The following SLC26A2 variants were observed in gnomAD, a reference collection of about 807,000 sequenced individuals.
The protein encoded by SLC26A2 is sulfate transporter.
SLC26A2 carries 36 observed loss-of-function variants against 41.1 expected under a neutral mutation model. The observed-to-expected ratio is 0.88, with a 90% confidence interval of 0.67 to 1.16. The LOEUF (loss-of-function observed/expected upper bound fraction) is 1.16, where lower values mean the gene tolerates loss of function less well. SLC26A2 is among the 50% of genes most tolerant of loss of function. SLC26A2 has a pLI of 0.00. For synonymous variants in SLC26A2, 291 were observed against 311.6 expected, an observed-to-expected ratio of 0.93 and a Z score of 0.70; for missense variants, 796 against 869.6, an observed-to-expected ratio of 0.92 and a Z score of 1.07.
intron 1 of SLC26A2, among the ~76,000 whole-genome samples, chr5:149,964,172 A>G (rs77120488): frequency 6.6e-6 from 1 of 152,102 alleles, no homozygotes; most frequent in Admixed American, 6.6e-5. Context: ...GCTTCTTTTG[A>G]AGAAGAGGCA....
rs1057517482 is a variant in SLC26A2 at position 149,981,239 on chromosome 5, CA to C, written c.1649del (p.Lys550ArgfsTer35). 6.2e-7 allele frequency: 1 copy of C among 1,614,118 alleles called. No individual in the cohort carries two copies. Among genetic ancestry groups the C allele is most frequent in the Middle Eastern group, 1.6e-4 (1 of 6,062 alleles). On this transcript the variant is annotated frameshift_variant, in exon 3 of 3. Coordinates refer to ENST00000286298, the MANE Select transcript of SLC26A2 (RefSeq NM_000112.4). LOFTEE classifies it high-confidence loss of function. ...IFCVILRTQK[P>X]KSSLLGLVEE... ...TGTGTCATCCTCCGCACTCAGAAGC[CA>C]AAGAGTTCACTGCTTGGCTTGGTGG...
intron 1 of SLC26A2, among the ~76,000 whole-genome samples, chr5:149,970,308 G>T (rs961099515): frequency 1.3e-5 from 2 of 152,082 alleles, no homozygotes; most frequent in African/African-American, 4.8e-5. Context: ...AGGAGTTCGA[G>T]ACCAGCCTGG....
chr5:149,980,448 ACT>A lies in SLC26A2; in HGVS notation c.857_858del (p.Leu286HisfsTer13). 3.7e-6 allele frequency: 6 copies of A among 1,613,916 alleles called. No individual in the cohort carries two copies. The highest frequency in any genetic ancestry group is 5.1e-6 in the Non-Finnish European group (6 of 1,180,020). ...TTCCTCGGACTAATGGTGTGGGCTC[ACT>A]CATCACTACCTGGATACATGTCTTC... is the stretch of plus-strand genomic sequence containing the variant. ...NLPRTNGVGS[L>X]ITTWIHVFRN... is the part of the protein sequence containing the mutation. On this transcript the variant is annotated frameshift_variant, in exon 3 of 3. Coordinates refer to ENST00000286298, the MANE Select transcript of SLC26A2 (RefSeq NM_000112.4). LOFTEE classifies it high-confidence loss of function.
chr5:149,981,431 G>T lies in SLC26A2; in HGVS notation c.1838G>T (p.Trp613Leu). The T allele has an allele frequency of 6.2e-7, 1 of 1,614,040 alleles. No individual in the cohort carries two copies. The highest frequency in any genetic ancestry group is 8.5e-7 in the Non-Finnish European group (1 of 1,179,982). Residue 613 changes from tryptophan to leucine, a missense_variant, in exon 3 of 3, where the codon TGG becomes TTG. Trp to Leu is a moderately conservative substitution (Grantham distance 61, BLOSUM62 -2). Coordinates refer to ENST00000286298, the MANE Select transcript of SLC26A2 (RefSeq NM_000112.4). ...AACCCAATCTTAATAAAGGTGGCTT[G>T]GAAGAAGGCAGCAAAGAGAAAGATC... The part of the protein sequence containing the change: ...TVNPILIKVA[W>L]KKAAKRKIKE...
At chr5:149,978,693 C>T (rs1755040483) in intron 2 of SLC26A2, among the ~76,000 whole-genome samples, 1 of 143,014 alleles carries the variant, frequency 7.0e-6, no homozygotes. Context: ...GAGTTTCTCA[C>T]TTTTTTTTTT....
At position 149,981,808 on chromosome 5, in the gene SLC26A2, GATTA is replaced by G. The variant is rs1755111826; in HGVS notation, c.2219_*2del. On this transcript the variant is annotated frameshift_variant and stop_lost, in exon 3 of 3. Transcript: ENST00000286298. LOFTEE classifies it high-confidence loss of function. ...TCCCAATGGTCTGAGTCTTAGTAGTGATTAATTGAGAAGGTAGATAGAAGAATGT... is the reference window on the plus strand; with the variant it reads ...TCCCAATGGTCTGAGTCTTAGTAGTGATTGAGAAGGTAGATAGAAGAATGT... 1 of 1,605,364 alleles carries G rather than the reference GATTA, an allele frequency of 6.2e-7. No individual in the cohort carries two copies. Among genetic ancestry groups the G allele is most frequent in the Non-Finnish European group, 8.5e-7 (1 of 1,173,236 alleles).
At position 149,981,327 on chromosome 5, in the gene SLC26A2, C is replaced by CTCTACT; in HGVS notation, c.1734_1735insTCTACT (p.Ile578_Lys579insSerThr). On this transcript the variant is annotated inframe_insertion, in exon 3 of 3. Transcript: ENST00000286298. ...AGAACCTTCAGATTAAGCCAGGCAT[C>CTCTACT]AAGATTTTCCGCTTTGTAGCCCCTC... The CTCTACT allele has an allele frequency of 6.2e-7, 1 of 1,614,112 alleles. No individual in the cohort carries two copies. The highest frequency in any genetic ancestry group is 8.5e-7 in the Non-Finnish European group (1 of 1,179,992).
intron 1 of SLC26A2, among the ~76,000 whole-genome samples, chr5:149,968,288 T>C (rs1411190855): frequency 6.6e-6 from 1 of 152,210 alleles, no homozygotes; most frequent in East Asian, 1.9e-4. Flanking sequence ...GCGGAATTAC[T>C]AGGTCATATA....
intron 1 of SLC26A2, chr5:149,962,342 C>G (rs996268806): frequency 6.9e-6 from 1 of 144,994 alleles, no homozygotes; most frequent in Non-Finnish European, 1.5e-5. Context: ...TCTGATTTGA[C>G]TTTTTTTTTT....
In SLC26A2 at chr5:149,980,973, A is replaced by C; in HGVS notation, c.1380A>C (p.Thr460=). Residue 460 remains threonine (T), a synonymous_variant, in exon 3 of 3, where the codon ACA becomes ACC. Transcript: ENST00000286298. ...ATACTCAGCTTTCTGGTGTGGTAAC[A>C]GCCCTGGTTCTTTTGTTGGTCCTCC... ...GCHTQLSGVV[T]ALVLLLVLLV... The C allele has an allele frequency of 6.2e-7, 1 of 1,614,182 alleles. No individual in the cohort carries two copies. Among genetic ancestry groups the C allele is most frequent in the East Asian group, 2.2e-5 (1 of 44,884 alleles).
At position 149,981,003 on chromosome 5, in the gene SLC26A2, A is replaced by C; in HGVS notation, c.1410A>C (p.Val470=). ...TALVLLLVLL[V]IAPLFYSLQK... ...TGGTTCTTTTGTTGGTCCTCCTAGT[A>C]ATAGCTCCTTTGTTCTATTCCCTTC... Residue 470 remains valine (V), a synonymous_variant, in exon 3 of 3, where the codon GTA becomes GTC. Coordinates refer to ENST00000286298, the MANE Select transcript of SLC26A2 (RefSeq NM_000112.4). The C allele has an allele frequency of 1.2e-6, 2 of 1,614,124 alleles. No homozygotes were observed. Among genetic ancestry groups the C allele is most frequent in the Non-Finnish European group, 1.7e-6 (2 of 1,179,990 alleles).
rs956040134 is a variant in SLC26A2 at position 149,982,896 on chromosome 5, G to A, written c.*1083G>A. ...CAGGTCATGAATTGAGGAGGAATTTGCTTTCAAAAAGCAAGAATGTCCAAC... is the reference window on the plus strand; with the variant it reads ...CAGGTCATGAATTGAGGAGGAATTTACTTTCAAAAAGCAAGAATGTCCAAC... On this transcript the variant is annotated 3_prime_UTR_variant, in exon 3 of 3. Coordinates refer to ENST00000286298, the MANE Select transcript of SLC26A2 (RefSeq NM_000112.4). 6.6e-6 allele frequency: 1 copy of A among 152,000 alleles called. No individual in the cohort carries two copies. The highest frequency in any genetic ancestry group is 1.5e-5 in the Non-Finnish European group (1 of 67,998). 9.4% of individuals were successfully genotyped at this position (152,000 alleles called of 1,614,324 possible).
chr5:149,968,885 G>C (rs2113689660), intron 1 of SLC26A2, among the ~76,000 whole-genome samples: 1 of 151,454 alleles, frequency 6.6e-6, no homozygotes, highest in African/African-American at 2.4e-5. Context: ...AGCTGTGCAG[G>C]TGTACACCAC....
chr5:149,974,416 A>ATT (rs1356774224), intron 1 of SLC26A2, among the ~76,000 whole-genome samples: 1 of 150,860 alleles, frequency 6.6e-6, no homozygotes, highest in African/African-American at 2.4e-5. Flanking sequence ...TAGATTATAT[A>ATT]TTATATATAT....
At chr5:149,969,798 T>C (rs569577842) in intron 1 of SLC26A2, among the ~76,000 whole-genome samples, 5 of 152,334 alleles carry the variant, frequency 3.3e-5, no homozygotes, top group Middle Eastern at 3.4e-3. Flanking sequence ...ACTGTGATCT[T>C]TCACTTGCCT....
chr5:149,970,517 A>T (rs186115570), intron 1 of SLC26A2, among the ~76,000 whole-genome samples: 135 of 152,304 alleles, frequency 8.9e-4, no homozygotes, highest in African/African-American at 3.1e-3. Context: ...TCACTAAAAA[A>T]GAAAAATAAA....
rs1225377370 is a variant in SLC26A2 at position 149,980,459 on chromosome 5, C to A, written c.866C>A (p.Thr289Asn). ...AATGGTGTGGGCTCACTCATCACTA[C>A]CTGGATACATGTCTTCAGAAACATC... ...RTNGVGSLIT[T>N]WIHVFRNIHK... The change falls in exon 3 of 3, where the codon ACC becomes AAC. Residue 289 changes from threonine (T) to asparagine (N), a missense_variant. Coordinates refer to ENST00000286298, the MANE Select transcript of SLC26A2 (RefSeq NM_000112.4). 6.2e-7 allele frequency: 1 copy of A among 1,614,086 alleles called. No homozygotes were observed. Among genetic ancestry groups the A allele is most frequent in the Admixed American group, 1.7e-5 (1 of 60,010 alleles).
rs1294262903 is a variant in SLC26A2 at position 149,980,737 on chromosome 5, GTGGC to G, written c.1147_1150del (p.Ala383Ter). 1 of 1,613,932 alleles carries G rather than the reference GTGGC, an allele frequency of 6.2e-7. No homozygotes were observed. On this transcript the variant is annotated frameshift_variant, in exon 3 of 3. Transcript: ENST00000286298. LOFTEE classifies it high-confidence loss of function. ...ACCAGAATGGAACCTAATTCCTAGT[GTGGC>G]TGTAGATGCAATAGCTATTTCCATC...
chr5:149,981,834 A>C lies in SLC26A2; in HGVS notation c.*21A>C. ...ATTAATTGAGAAGGTAGATAGAAGA[A>C]TGTCTAGCCAATAGGTTAAAATTTC... On this transcript the variant is annotated 3_prime_UTR_variant, in exon 3 of 3. Transcript: ENST00000286298. 1 of 1,563,140 alleles carries C rather than the reference A, an allele frequency of 6.4e-7. No homozygotes were observed. Among genetic ancestry groups the C allele is most frequent in the Non-Finnish European group, 8.8e-7 (1 of 1,136,430 alleles).
Sources: allele counts gnomAD v4.1 joint callset (sites outside exome capture counted in the v4.1 genomes callset), GRCh38; gene constraint gnomAD v4.1.1; transcripts MANE v1.5; gene names NCBI Gene and HGNC (gene_info 2026-07-23, HGNC 2026-07-21).